The following LNPEP variants were observed in gnomAD, a reference collection of about 807,000 sequenced individuals.
LNPEP encodes the protein leucyl and cystinyl aminopeptidase, also known as leucyl-cystinyl aminopeptidase.
Under a neutral mutation model 120.6 loss-of-function variants are expected in LNPEP, and 64 were observed. The ratio of observed to expected loss-of-function variants is 0.53; its 90% confidence interval spans 0.43 to 0.65. The LOEUF is 0.65. Ranked by LOEUF, LNPEP falls within the 30% of genes least tolerant of loss-of-function variation. The probability of loss-of-function intolerance (pLI) is 0.00; values close to 1 mark genes in which losing one functional copy is unlikely to be tolerated. For synonymous variants in LNPEP, 435 were observed against 425.4 expected, an observed-to-expected ratio of 1.02 and a Z score of -0.28; for missense variants, 1,057 against 1,200.0, an observed-to-expected ratio of 0.88 and a Z score of 1.76.
chr5:96,974,069 T>G (rs1356684552), intron 1 of LNPEP, among the ~76,000 whole-genome samples: 1 of 152,138 alleles, frequency 6.6e-6, no homozygotes, highest in African/African-American at 2.4e-5. Context: ...ACATAACACT[T>G]CTCTTCTTTT....
At chr5:96,975,767 GT>G (rs1789975918) in intron 1 of LNPEP, among the ~76,000 whole-genome samples, 1 of 152,110 alleles carries the variant, frequency 6.6e-6, no homozygotes, top group Admixed American at 6.6e-5. Flanking sequence ...TGTCATAAAA[GT>G]TTTTGGGTAC....
chr5:97,028,520 CA>C lies in LNPEP; in HGVS notation c.3066del (p.Trp1023GlyfsTer46). ...QWMEKNLKSL[T>X]WWL ...ATGGAGAAGAACCTCAAAAGTCTCA[CA>C]TGGTGGCTGTAGCATGCACAACCGC... On this transcript the variant is annotated frameshift_variant, in exon 18 of 18. Coordinates refer to ENST00000231368, the MANE Select transcript of LNPEP (RefSeq NM_005575.3). LOFTEE classifies it high-confidence loss of function. The C allele has an allele frequency of 3.7e-6, 6 of 1,613,830 alleles. No individual in the cohort carries two copies. The highest frequency in any genetic ancestry group is 5.1e-6 in the Non-Finnish European group (6 of 1,179,770).
rs762021648 is a variant in LNPEP, at chr5:96,985,229, G to C, written c.999+11G>C. On this transcript the variant is annotated intron_variant, in intron 3 of 17. Transcript: ENST00000231368. ...TCAAATATGCCTAAGGTACTGTTCT[G>C]TTCCTTGAATGTAAAAATCTTTGAA... 6 of 1,584,248 alleles carry C rather than the reference G, an allele frequency of 3.8e-6. No homozygotes were observed. Among genetic ancestry groups the C allele is most frequent in the East Asian group, 2.3e-5 (1 of 43,972 alleles).
intron 13 of LNPEP, among the ~76,000 whole-genome samples, chr5:97,017,463 T>C (rs949475822): frequency 6.6e-6 from 1 of 152,108 alleles, no homozygotes; most frequent in Non-Finnish European, 1.5e-5. Flanking sequence ...TTAATATGAG[T>C]TTTAAATTTT....
At chr5:96,947,521 G>T (rs1423818304) in intron 1 of LNPEP, among the ~76,000 whole-genome samples, 1 of 152,096 alleles carries the variant, frequency 6.6e-6, no homozygotes, top group African/African-American at 2.4e-5. Flanking sequence ...CGTGCTATTT[G>T]TCTGTTTTTT....
intron 1 of LNPEP, among the ~76,000 whole-genome samples, chr5:96,970,693 AC>A (rs1394652187): frequency 6.6e-6 from 1 of 152,006 alleles, no homozygotes; most frequent in Admixed American, 6.6e-5. Flanking sequence ...TTTTAAAATC[AC>A]TTTTTCAGTG....
intron 4 of LNPEP, among the ~76,000 whole-genome samples, chr5:96,992,158 C>T (rs537261890): frequency 6.6e-6 from 1 of 151,638 alleles, no homozygotes; most frequent in Non-Finnish European, 1.5e-5. Flanking sequence ...TTCATTTAGC[C>T]AAAAAAAGAG....
chr5:96,983,313 T>C (rs781148721), intron 2 of LNPEP, among the ~76,000 whole-genome samples: 1 of 53,628 alleles, frequency 1.9e-5, no homozygotes, highest in Non-Finnish European at 4.6e-5. Context: ...ACCAGGGCCA[T>C]ATATTTGCCG....
chr5:97,004,197 T>C (rs770636924), intron 9 of LNPEP, among the ~76,000 whole-genome samples: 1 of 152,190 alleles, frequency 6.6e-6, no homozygotes, highest in African/African-American at 2.4e-5. Flanking sequence ...CTGATTTAGA[T>C]TGATGGGTCA....
intron 13 of LNPEP, among the ~76,000 whole-genome samples, 161 bp downstream of exon 13, chr5:97,015,256 T>C (rs1446869806): frequency 6.6e-6 from 1 of 152,138 alleles, no homozygotes; most frequent in Non-Finnish European, 1.5e-5. Flanking sequence ...ATGTTGCTTA[T>C]GATGAAGAGC....
chr5:96,979,099 T>G, intron 1 of LNPEP, 39 bp from the exon 2 acceptor site: 1 of 1,530,420 alleles, frequency 6.5e-7, no homozygotes, highest in South Asian at 1.3e-5. Flanking sequence ...CTTTTTTTTT[T>G]CTAACTCTGT....
chr5:96,954,745 T>TATACATATATATATACACAC (rs1461179333), intron 1 of LNPEP, among the ~76,000 whole-genome samples: 1 of 47,904 alleles, frequency 2.1e-5, no homozygotes, highest in African/African-American at 7.5e-5. Flanking sequence ...CATATATATA[T>TATACATATATATATACACAC]ACACATATAT....
At chr5:96,987,032 A>G (rs1790259142) in intron 4 of LNPEP, among the ~76,000 whole-genome samples, 1 of 152,204 alleles carries the variant, frequency 6.6e-6, no homozygotes, top group South Asian at 2.1e-4. Context: ...CAGTCTCACT[A>G]ACCATATTTC....
At position 96,971,226 on chromosome 5, in the gene LNPEP, G is replaced by A. The variant is rs148688422; in HGVS notation, c.20-7912G>A. ...CAGGCCTCCACCGTTGACATGAGAA[G>A]TTAGTGTATGTACTGTTGTTCATCT... is the stretch of plus-strand genomic sequence containing the variant. On this transcript the variant is annotated intron_variant, in intron 1 of 17. Transcript: ENST00000231368. Among the ~76,000 whole-genome samples, 469 of 152,028 alleles carry A rather than the reference G, an allele frequency of 3.1e-3. 6 individuals carry two copies. The highest frequency in any genetic ancestry group is 0.022 in the Admixed American group (334 of 15,244).
chr5:97,008,056 A>C (rs1324574356), intron 11 of LNPEP, among the ~76,000 whole-genome samples: 2 of 152,198 alleles, frequency 1.3e-5, no homozygotes, highest in Non-Finnish European at 2.9e-5. Flanking sequence ...TGGAAGTACA[A>C]GGAATTGCTA....
Position 97,034,668 on chromosome 5 carries a change from G to C in LNPEP, c.*6135G>C, listed in dbSNP as rs1272249129. On this transcript the variant is annotated 3_prime_UTR_variant, in exon 18 of 18. Coordinates refer to ENST00000231368, the MANE Select transcript of LNPEP (RefSeq NM_005575.3). ...GCTTGGGTTTTGGTTTTTTGCTTTTGAGGGTTTTAATGAGGAGTGGGATTG... is the reference window on the plus strand; with the variant it reads ...GCTTGGGTTTTGGTTTTTTGCTTTTCAGGGTTTTAATGAGGAGTGGGATTG... The C allele has an allele frequency of 1.3e-5, 2 of 152,012 alleles. No homozygotes were observed. Among genetic ancestry groups the C allele is most frequent in the Non-Finnish European group, 1.5e-5 (1 of 67,970 alleles). 9.4% of individuals were successfully genotyped at this position (152,012 alleles called of 1,614,324 possible).
At chr5:97,022,743 C>T (rs917738153) in intron 14 of LNPEP, among the ~76,000 whole-genome samples, 2 of 147,844 alleles carry the variant, frequency 1.4e-5, no homozygotes, top group African/African-American at 5.0e-5. Flanking sequence ...CCCATTAACT[C>T]GTCATTTAGC....
intron 1 of LNPEP, among the ~76,000 whole-genome samples, chr5:96,947,448 T>G (rs1188432441): frequency 6.6e-6 from 1 of 152,208 alleles, no homozygotes; most frequent in African/African-American, 2.4e-5. Flanking sequence ...TTATGTGAAT[T>G]TTAGGCATGG....
chr5:97,019,937 T>C (rs1582032868), intron 13 of LNPEP, among the ~76,000 whole-genome samples: 1 of 152,302 alleles, frequency 6.6e-6, no homozygotes, highest in East Asian at 1.9e-4. Context: ...TCCCCTGCAT[T>C]GCTTGTCCGT....
Sources: allele counts gnomAD v4.1 joint callset (sites outside exome capture counted in the v4.1 genomes callset), GRCh38; gene constraint gnomAD v4.1.1; transcripts MANE v1.5; gene names NCBI Gene and HGNC (gene_info 2026-07-23, HGNC 2026-07-21).